The following FHIT variants were observed in gnomAD, a reference collection of about 807,000 sequenced individuals.
FHIT encodes fragile histidine triad diadenosine triphosphatase, also known as bis(5'-adenosyl)-triphosphatase.
In FHIT, 19 loss-of-function variants were observed where a neutral mutation model predicts 17.9. That is an observed-to-expected ratio of 1.06 (90% CI 0.74 to 1.56). The LOEUF is 1.56. Among genes scored for constraint, FHIT ranks in the 40% most tolerant of loss-of-function variants. The probability of loss-of-function intolerance (pLI) is 0.00; values close to 1 mark genes in which losing one functional copy is unlikely to be tolerated. For synonymous variants in FHIT, 81 were observed against 69.7 expected (o/e 1.16, Z -0.81); for missense variants, 248 against 189.2 (o/e 1.31, Z -1.82).
chr3:60,911,390 C>CAA (rs1706735928), intron 3 of FHIT, among the ~76,000 whole-genome samples: 1 of 151,646 alleles, frequency 6.6e-6, no homozygotes, highest in Non-Finnish European at 1.5e-5. Context: ...CACACACACA[C>CAA]ACACACACCC....
intron 5 of FHIT, among the ~76,000 whole-genome samples, chr3:60,477,455 A>G (rs890825597): frequency 6.6e-6 from 1 of 152,176 alleles, no homozygotes. Flanking sequence ...CTTCTCTGAC[A>G]TCATTACTAG....
chr3:60,565,640 C>T (rs1230169731), intron 4 of FHIT, among the ~76,000 whole-genome samples: 1 of 152,166 alleles, frequency 6.6e-6, no homozygotes, highest in African/African-American at 2.4e-5. Flanking sequence ...TCCAAGATAA[C>T]TTGCTCTCGT....
At chr3:61,029,797 G>C (rs747146074) in intron 3 of FHIT, among the ~76,000 whole-genome samples, 75 of 151,968 alleles carry the variant, frequency 4.9e-4, no homozygotes, top group Non-Finnish European at 6.3e-4. Flanking sequence ...CTCTTGTCCA[G>C]GAAAAGAGGA....
intron 5 of FHIT, among the ~76,000 whole-genome samples, chr3:60,389,018 T>C (rs1032916778): frequency 1.2e-4 from 19 of 152,228 alleles, no homozygotes; most frequent in African/African-American, 3.6e-4. Context: ...GTCGTCTGGC[T>C]GTAAGTTCCT....
chr3:59,936,701 T>C (rs1277983484), intron 7 of FHIT, among the ~76,000 whole-genome samples: 1 of 152,138 alleles, frequency 6.6e-6, no homozygotes, highest in Non-Finnish European at 1.5e-5. Context: ...GAAAAAATGT[T>C]AAGGGAATTA....
chr3:59,871,789 A>G (rs1258265350), intron 8 of FHIT, among the ~76,000 whole-genome samples: 6 of 152,168 alleles, frequency 3.9e-5, no homozygotes. Flanking sequence ...TTAGCACTCC[A>G]CATAGAGTTG....
Position 60,558,342 on chromosome 3 carries a change from T to C in FHIT, c.-17-21363A>G, listed in dbSNP as rs542714800. 3.7e-4 allele frequency among the ~76,000 whole-genome samples: 57 copies of C among 152,012 alleles called. 1 individual carries two copies. Among genetic ancestry groups the C allele is most frequent in the Middle Eastern group, 3.4e-3 (1 of 294 alleles). ...TCAGGCCAGGGTTTCAAGCATCAAT[T>C]ACCCTTAGTAACAGCACATGCCTGA... On this transcript the variant is annotated intron_variant, in intron 4 of 9. Coordinates refer to ENST00000492590, the MANE Select transcript of FHIT (RefSeq NM_002012.4).
chr3:60,396,112 T>C (rs1701429592), intron 5 of FHIT, among the ~76,000 whole-genome samples: 1 of 152,116 alleles, frequency 6.6e-6, no homozygotes, highest in African/African-American at 2.4e-5. Context: ...GTGACAGGTA[T>C]TGTCACTCGC....
intron 4 of FHIT, chr3:60,617,954 C>A: frequency 3.8e-6 from 1 of 265,304 alleles, no homozygotes. Context: ...TGGATTCAAG[C>A]ATAAGTACTT....
At chr3:60,997,927 T>C (rs985765997) in intron 3 of FHIT, among the ~76,000 whole-genome samples, 4 of 152,124 alleles carry the variant, frequency 2.6e-5, no homozygotes, top group East Asian at 1.9e-4. Flanking sequence ...AGAAGAAATA[T>C]CTAGAAAATC....
At chr3:59,765,160 A>G (rs1198590329) in intron 8 of FHIT, among the ~76,000 whole-genome samples, 1 of 152,248 alleles carries the variant, frequency 6.6e-6, no homozygotes, top group Non-Finnish European at 1.5e-5. Context: ...AAAATCACTT[A>G]AGGGTCCTAA....
intron 3 of FHIT, among the ~76,000 whole-genome samples, chr3:60,987,412 A>G (rs956421645): frequency 6.6e-6 from 1 of 152,244 alleles, no homozygotes. Context: ...CATGAACAAT[A>G]GCATGAGCAA....
At chr3:60,387,887 C>A (rs984691806) in intron 5 of FHIT, among the ~76,000 whole-genome samples, 1 of 152,134 alleles carries the variant, frequency 6.6e-6, no homozygotes. Context: ...GCGGATCCCA[C>A]AGAGATGGTT....
intron 4 of FHIT, among the ~76,000 whole-genome samples, chr3:60,725,564 T>G (rs1293860877): frequency 1.3e-5 from 2 of 152,212 alleles, no homozygotes; most frequent in Non-Finnish European, 2.9e-5. Context: ...TCAGGTAATT[T>G]TTGTCTATAC....
At chr3:60,437,975 G>A (rs929375459) in intron 5 of FHIT, among the ~76,000 whole-genome samples, 6 of 151,984 alleles carry the variant, frequency 3.9e-5, no homozygotes, top group Non-Finnish European at 5.9e-5. Flanking sequence ...TTAAGATACA[G>A]TATGATTGTA....
At chr3:60,847,013 A>C (rs1553746736) in intron 3 of FHIT, among the ~76,000 whole-genome samples, 1 of 151,984 alleles carries the variant, frequency 6.6e-6, no homozygotes, top group Non-Finnish European at 1.5e-5. Context: ...TAGTAGAAAC[A>C]AGGTTTCACC....
chr3:60,109,097 T>C (rs1387940893), intron 5 of FHIT, among the ~76,000 whole-genome samples: 1 of 152,146 alleles, frequency 6.6e-6, no homozygotes, highest in Non-Finnish European at 1.5e-5. Context: ...AAACAGTTAA[T>C]TCTGCTCTAG....
chr3:60,595,374 CT>C (rs34376484), intron 4 of FHIT, among the ~76,000 whole-genome samples: 128 of 144,860 alleles, frequency 8.8e-4, no homozygotes, highest in South Asian at 1.1e-3. Context: ...CCATGTTAGT[CT>C]TTTTTTTTTT....
chr3:59,955,329 T>A (rs1421030745), intron 7 of FHIT, among the ~76,000 whole-genome samples: 1 of 152,152 alleles, frequency 6.6e-6, no homozygotes, highest in Non-Finnish European at 1.5e-5. Context: ...TTCCTGCTAT[T>A]CTTTCTTTCT....
Sources: allele counts gnomAD v4.1 joint callset (sites outside exome capture counted in the v4.1 genomes callset), GRCh38; gene constraint gnomAD v4.1.1; transcripts MANE v1.5; gene names NCBI Gene and HGNC (gene_info 2026-07-23, HGNC 2026-07-21).